TACC2: variants seen among roughly 807,000 people sequenced by gnomAD.
TACC2 encodes transforming acidic coiled-coil containing protein 2.
TACC2 carries 137 observed loss-of-function variants against 227.3 expected under a neutral mutation model. That is an observed-to-expected ratio of 0.60 (90% CI 0.52 to 0.69). The LOEUF (loss-of-function observed/expected upper bound fraction) is 0.69, where lower values mean the gene tolerates loss of function less well. Ranked by LOEUF, TACC2 falls within the 30% of genes least tolerant of loss-of-function variation. The pLI, the probability that TACC2 is intolerant of heterozygous loss-of-function variation, is 0.00. For missense variants in TACC2, 3,470 were observed against 3,694.4 expected (o/e 0.94, Z 1.57); for synonymous variants, 1,523 against 1,487.5 (o/e 1.02, Z -0.55).
chr10:122,205,316 G>A lies in TACC2; in HGVS notation c.5972-5081G>A, dbSNP rs111752149. ...GGTCTGAGGACAGAAGGCAGCCATG[G>A]CACGGGCCTCCTGCTCTCTTGCTGG... On this transcript the variant is annotated intron_variant, in intron 8 of 22. Transcript: ENST00000369005. The surrounding 1 kb of genome is among the most constrained non-coding windows in gnomAD (Gnocchi z 4.5). Among the ~76,000 whole-genome samples, 10 of 152,150 alleles carry A rather than the reference G, an allele frequency of 6.6e-5. No homozygotes were observed. The highest frequency in any genetic ancestry group is 2.4e-4 in the African/African-American group (10 of 41,440).
chr10:122,105,567 T>C (rs770996477), intron 5 of TACC2, among the ~76,000 whole-genome samples: 7 of 152,178 alleles, frequency 4.6e-5, no homozygotes, highest in Non-Finnish European at 1.0e-4. Context: ...TCCGTATTCC[T>C]GCTTCTTGCC....
intron 7 of TACC2, among the ~76,000 whole-genome samples, chr10:122,155,962 C>A (rs377569428): frequency 6.6e-6 from 1 of 151,022 alleles, no homozygotes; most frequent in Non-Finnish European, 1.5e-5. Context: ...CTCAGCCTCG[C>A]GAGTAGCTGG....
intron 18 of TACC2, among the ~76,000 whole-genome samples, chr10:122,238,330 A>G (rs1277272263): frequency 6.6e-6 from 1 of 152,228 alleles, no homozygotes; most frequent in East Asian, 1.9e-4. Flanking sequence ...TTTCTGGTGG[A>G]TCCTTCCAAG....
intron 8 of TACC2, among the ~76,000 whole-genome samples, chr10:122,195,966 C>G (rs895464169): frequency 2.6e-5 from 4 of 152,194 alleles, no homozygotes; most frequent in Non-Finnish European, 4.4e-5. Flanking sequence ...TGGCCCACAG[C>G]CTTCCCGTGT....
At chr10:122,147,337 G>A (rs1189582662) in intron 7 of TACC2, among the ~76,000 whole-genome samples, 2 of 152,206 alleles carry the variant, frequency 1.3e-5, no homozygotes, top group Non-Finnish European at 2.9e-5. Flanking sequence ...TGGAGTCAAG[G>A]TTTCACCATG....
chr10:122,172,578 C>T (rs191638082), intron 7 of TACC2, among the ~76,000 whole-genome samples: 108 of 152,286 alleles, frequency 7.1e-4, no homozygotes, highest in Middle Eastern at 3.4e-3. Flanking sequence ...AGGAAGAAGG[C>T]GGGAGAGGTT....
chr10:122,142,029 C>T (rs563103211), intron 6 of TACC2, among the ~76,000 whole-genome samples: 4 of 152,252 alleles, frequency 2.6e-5, no homozygotes, highest in Non-Finnish European at 5.9e-5. Context: ...ATTTTAGCCA[C>T]TGCCCAAATT....
At chr10:122,068,312 C>G (rs2077610322) in intron 3 of TACC2, among the ~76,000 whole-genome samples, 1 of 152,064 alleles carries the variant, frequency 6.6e-6, no homozygotes, top group Non-Finnish European at 1.5e-5. Flanking sequence ...TTTCTTGGTT[C>G]AAGACAAATT....
intron 3 of TACC2, chr10:122,051,843 G>T (rs1441251335): frequency 6.7e-6 from 1 of 148,606 alleles, no homozygotes; most frequent in Non-Finnish European, 1.5e-5. Context: ...TCATGCCTGG[G>T]GCATGGAAGT....
At chr10:122,156,410 G>A (rs2092479882) in intron 7 of TACC2, among the ~76,000 whole-genome samples, 2 of 151,052 alleles carry the variant, frequency 1.3e-5, no homozygotes, top group African/African-American at 4.9e-5. Context: ...ATTTTTAGTA[G>A]AGACGAGGTT....
At chr10:122,148,816 G>C (rs1393318600) in intron 7 of TACC2, among the ~76,000 whole-genome samples, 1 of 152,226 alleles carries the variant, frequency 6.6e-6, no homozygotes, top group African/African-American at 2.4e-5. Context: ...GTAATCATTA[G>C]GCCGTAGGCC....
At chr10:122,224,841 G>T in intron 12 of TACC2, 54 bp downstream of exon 12, 1 of 1,456,414 alleles carries the variant, frequency 6.9e-7, no homozygotes, top group South Asian at 1.1e-5. Context: ...GCCTTCAGGG[G>T]CCTCCTCCCC....
chr10:122,062,716 T>G (rs921166575), intron 3 of TACC2, among the ~76,000 whole-genome samples: 1 of 152,128 alleles, frequency 6.6e-6, no homozygotes, highest in Non-Finnish European at 1.5e-5. Context: ...AAAAACATCT[T>G]TGGTGTGGAT....
chr10:122,203,347 G>A (rs1161840069), intron 8 of TACC2, among the ~76,000 whole-genome samples: 1 of 138,420 alleles, frequency 7.2e-6, no homozygotes, highest in Non-Finnish European at 1.5e-5. Context: ...CCCGGATGGG[G>A]CGGCTGGCCG....
At chr10:122,096,922 G>A (rs943612667) in intron 5 of TACC2, among the ~76,000 whole-genome samples, 12 of 152,190 alleles carry the variant, frequency 7.9e-5, no homozygotes, top group African/African-American at 2.9e-4. Context: ...CTCAGATGTA[G>A]ACTGTGAAAG....
intron 6 of TACC2, among the ~76,000 whole-genome samples, chr10:122,138,117 A>G (rs1213166184): frequency 2.0e-5 from 3 of 152,012 alleles, no homozygotes; most frequent in Non-Finnish European, 4.4e-5. Context: ...TGACTGCACA[A>G]TAAGATTTTT....
At chr10:122,153,040 G>C (rs1003330330) in intron 7 of TACC2, among the ~76,000 whole-genome samples, 1 of 139,000 alleles carries the variant, frequency 7.2e-6, no homozygotes, top group African/African-American at 2.6e-5. Context: ...CTGTCTCCCA[G>C]GCTGCAGTGC....
intron 3 of TACC2, among the ~76,000 whole-genome samples, chr10:122,054,210 G>A (rs999714112): frequency 1.3e-5 from 2 of 152,154 alleles, no homozygotes; most frequent in African/African-American, 4.8e-5. Flanking sequence ...TGCTTTTCTG[G>A]TTGCCACGTG....
intron 3 of TACC2, among the ~76,000 whole-genome samples, chr10:122,072,461 T>C (rs898212017): frequency 3.9e-5 from 6 of 152,344 alleles, no homozygotes; most frequent in African/African-American, 1.4e-4. Context: ...GAGGGTTGTT[T>C]GGACAAGTTA....
Sources: gnomAD v4.1 joint callset for allele counts (sites outside exome capture counted in the v4.1 genomes callset) on GRCh38, gnomAD v4.1.1 for gene constraint, Gnocchi (gnomAD v3.1) non-coding constraint, MANE v1.5 for transcripts, NCBI Gene and HGNC (gene_info 2026-07-23, HGNC 2026-07-21) for gene names.